Variants in CSMD1 observed in about 807,000 individuals in gnomAD.
The protein encoded by CSMD1 is CUB and sushi domain-containing protein 1.
Under a neutral mutation model 417.5 loss-of-function variants are expected in CSMD1, and 213 were observed. The ratio of observed to expected loss-of-function variants is 0.51; its 90% confidence interval spans 0.46 to 0.57. The LOEUF is 0.57. CSMD1 is among the 20% of genes least tolerant of loss of function. The pLI is 0.00. For missense variants in CSMD1, 6,923 were observed against 4,529.7 expected, an observed-to-expected ratio of 1.53 and a Z score of -15.17; for synonymous variants, 2,862 against 1,736.8, an observed-to-expected ratio of 1.65 and a Z score of -16.11.
intron 11 of CSMD1, among the ~76,000 whole-genome samples, chr8:3,490,797 G>A (rs1165246735): frequency 6.6e-6 from 1 of 152,084 alleles, no homozygotes; most frequent in South Asian, 2.1e-4. Flanking sequence ...TGCGACGATC[G>A]CCTTAGAAGC....
At chr8:3,774,384 G>A (rs960663208) in intron 5 of CSMD1, among the ~76,000 whole-genome samples, 1 of 152,166 alleles carries the variant, frequency 6.6e-6, no homozygotes, top group Non-Finnish European at 1.5e-5. Context: ...TCCCCGGGAT[G>A]CAAAACACAA....
At chr8:3,881,647 C>T (rs1162006334) in intron 5 of CSMD1, among the ~76,000 whole-genome samples, 1 of 130,490 alleles carries the variant, frequency 7.7e-6, no homozygotes, top group African/African-American at 3.2e-5. Context: ...AACAAACAAA[C>T]AAAAACCAAC....
At chr8:4,083,398 C>G (rs1186744704) in intron 3 of CSMD1, among the ~76,000 whole-genome samples, 1 of 152,178 alleles carries the variant, frequency 6.6e-6, no homozygotes, top group African/African-American at 2.4e-5. Context: ...TGTTTTTTGG[C>G]TGCATAAATG....
chr8:4,946,580 G>A lies in CSMD1; in HGVS notation c.85+47752C>T, dbSNP rs181478096. Among the ~76,000 whole-genome samples, 56 of 152,256 alleles carry A rather than the reference G, an allele frequency of 3.7e-4. No homozygotes were observed. In the East Asian group the frequency reaches 0.01, roughly 28 times the overall value. ...GATTCTGACTCTGTATAAGTGAATA[G>A]AACACTAAATTCTAGGCTTATGTCT... On this transcript the variant is annotated intron_variant, in intron 1 of 69. Transcript: ENST00000635120.
chr8:4,755,974 C>G (rs981276795), intron 1 of CSMD1, among the ~76,000 whole-genome samples: 1 of 152,154 alleles, frequency 6.6e-6, no homozygotes, highest in African/African-American at 2.4e-5. Context: ...CAAAATCAAA[C>G]TATATGATGA....
At chr8:4,379,930 A>C (rs979912663) in intron 3 of CSMD1, among the ~76,000 whole-genome samples, 8 of 152,212 alleles carry the variant, frequency 5.3e-5, no homozygotes, top group African/African-American at 1.9e-4. Context: ...GAGCGCGGCC[A>C]GCATACACTC....
At chr8:4,678,663 G>A (rs966894522) in intron 1 of CSMD1, among the ~76,000 whole-genome samples, 1 of 152,064 alleles carries the variant, frequency 6.6e-6, no homozygotes. Flanking sequence ...CAGGGAAATG[G>A]ATACCTTTCA....
At chr8:3,761,856 G>A (rs146004657) in intron 5 of CSMD1, among the ~76,000 whole-genome samples, 3 of 152,126 alleles carry the variant, frequency 2.0e-5, no homozygotes, top group African/African-American at 7.2e-5. Flanking sequence ...CGGCACTCAT[G>A]ATTGTCTCTG....
At chr8:4,494,368 T>C (rs1801874259) in intron 2 of CSMD1, among the ~76,000 whole-genome samples, 1 of 152,226 alleles carries the variant, frequency 6.6e-6, no homozygotes, top group South Asian at 2.1e-4. Context: ...TGAGACTTAC[T>C]AAAGTGAAAT....
intron 3 of CSMD1, among the ~76,000 whole-genome samples, chr8:4,290,066 G>C (rs1383703659): frequency 1.3e-5 from 2 of 152,164 alleles, no homozygotes; most frequent in African/African-American, 2.4e-5. Flanking sequence ...TGCAAATTCA[G>C]CACGGTCTTT....
chr8:4,218,073 G>C (rs1270737445), intron 3 of CSMD1, among the ~76,000 whole-genome samples: 2 of 152,166 alleles, frequency 1.3e-5, no homozygotes, highest in East Asian at 3.8e-4. Context: ...TGATGCCTGA[G>C]GTTGCAATTT....
chr8:4,332,062 G>A (rs960763401), intron 3 of CSMD1, among the ~76,000 whole-genome samples: 4 of 152,036 alleles, frequency 2.6e-5, no homozygotes, highest in Admixed American at 1.3e-4. Flanking sequence ...TATCTTATCA[G>A]TTTGGCTCCA....
At chr8:4,217,625 C>A (rs1009069741) in intron 3 of CSMD1, among the ~76,000 whole-genome samples, 4 of 149,646 alleles carry the variant, frequency 2.7e-5, no homozygotes, top group Admixed American at 2.7e-4. Context: ...TTTTGAGAAA[C>A]TGTTGAAAAA....
chr8:3,742,165 A>C (rs1796839462), intron 6 of CSMD1, among the ~76,000 whole-genome samples: 1 of 152,122 alleles, frequency 6.6e-6, no homozygotes, highest in Admixed American at 6.5e-5. Flanking sequence ...CTTTCTGTAA[A>C]GTGAGTCTTC....
Position 4,055,754 on chromosome 8 carries a change from G to C in CSMD1, c.416-23655C>G, listed in dbSNP as rs116715852. 9.3e-3 allele frequency among the ~76,000 whole-genome samples: 1,410 copies of C among 152,138 alleles called. 31 individuals are homozygous for C. The highest frequency in any genetic ancestry group is 0.032 in the African/African-American group (1,349 of 41,524). On this transcript the variant is annotated intron_variant, in intron 3 of 69. Coordinates refer to ENST00000635120, the MANE Select transcript of CSMD1 (RefSeq NM_033225.6). ...GCTGTCATCCACAACAGAATGACTTGACTAGATACTGTATAAACAAACAAG... is the reference window on the plus strand; with the variant it reads ...GCTGTCATCCACAACAGAATGACTTCACTAGATACTGTATAAACAAACAAG...
At chr8:4,285,251 G>T (rs74756731) in intron 3 of CSMD1, among the ~76,000 whole-genome samples, 1 of 152,140 alleles carries the variant, frequency 6.6e-6, no homozygotes, top group East Asian at 1.9e-4. Context: ...ACAGCAGGCC[G>T]ACTGTAGCCT....
intron 2 of CSMD1, among the ~76,000 whole-genome samples, chr8:4,562,003 A>G (rs113814905): frequency 2.0e-5 from 3 of 152,326 alleles, no homozygotes; most frequent in African/African-American, 7.2e-5. Context: ...CTTTAAAATC[A>G]CAGAAAATAA....
chr8:3,852,105 G>C (rs370209310), intron 5 of CSMD1, among the ~76,000 whole-genome samples: 166 of 152,252 alleles, frequency 1.1e-3, no homozygotes, highest in African/African-American at 3.9e-3. Flanking sequence ...AAGAAACAGA[G>C]GCTCAGGTTG....
chr8:3,695,736 G>A (rs527913355), intron 7 of CSMD1, among the ~76,000 whole-genome samples: 58 of 152,262 alleles, frequency 3.8e-4, no homozygotes, highest in African/African-American at 1.3e-3. Context: ...AAGGAAGGAT[G>A]ACAGCTAAAC....
Sources: allele counts gnomAD v4.1 joint callset (sites outside exome capture counted in the v4.1 genomes callset), GRCh38; gene constraint gnomAD v4.1.1; transcripts MANE v1.5; gene names NCBI Gene and HGNC (gene_info 2026-07-23, HGNC 2026-07-21).